The following LUC7L2 variants were observed in gnomAD, a reference collection of about 807,000 sequenced individuals.
The protein encoded by LUC7L2 is LUC7 like 2, pre-mRNA splicing factor.
LUC7L2 carries 25 observed loss-of-function variants against 52.8 expected under a neutral mutation model. That is an observed-to-expected ratio of 0.47 (90% CI 0.34 to 0.66). The LOEUF is 0.66. Among genes scored for constraint, LUC7L2 ranks in the 30% least tolerant of loss-of-function variants. The pLI is 0.01. For missense variants in LUC7L2, 328 were observed against 497.8 expected, an observed-to-expected ratio of 0.66 and a Z score of 3.25; for synonymous variants, 144 against 160.9, an observed-to-expected ratio of 0.89 and a Z score of 0.80.
intron 1 of LUC7L2, among the ~76,000 whole-genome samples, chr7:139,344,511 T>C (rs916884870): frequency 6.6e-6 from 1 of 152,100 alleles, no homozygotes; most frequent in African/African-American, 2.4e-5. Context: ...AATCCTTTTA[T>C]TTTTTTCTGA....
intron 4 of LUC7L2, among the ~76,000 whole-genome samples, chr7:139,403,935 CCAAAG>C (rs1179961659): frequency 1.3e-5 from 2 of 152,130 alleles, no homozygotes; most frequent in African/African-American, 4.8e-5. Context: ...ATCTCAGTAA[CCAAAG>C]CAAGTTCATG....
At chr7:139,401,873 G>A (rs73154168) in intron 3 of LUC7L2, among the ~76,000 whole-genome samples, 3,008 of 151,568 alleles carry the variant, frequency 0.02, 32 homozygotes, top group South Asian at 0.051. Context: ...TTCCGCCTCA[G>A]CCTCCCGAGA....
chr7:139,416,997 A>G (rs1795651458), intron 8 of LUC7L2: 1 of 152,310 alleles, frequency 6.6e-6, no homozygotes, highest in African/African-American at 2.4e-5. Flanking sequence ...TATTTCTGAT[A>G]ATAAATTTAT....
chr7:139,412,218 A>T (rs565092921), intron 7 of LUC7L2, among the ~76,000 whole-genome samples: 215 of 141,560 alleles, frequency 1.5e-3, no homozygotes, highest in African/African-American at 5.2e-3. Flanking sequence ...TGTAAAAATT[A>T]AAAAAAAAAA....
rs547921171 is a variant in LUC7L2, at chr7:139,423,369, A to G, written c.*1029A>G. On this transcript the variant is annotated 3_prime_UTR_variant, in exon 10 of 10. Coordinates refer to ENST00000354926, the MANE Select transcript of LUC7L2 (RefSeq NM_016019.5). ...TTCAGGGTTGTTTGTAATGACCGTT[A>G]TAGAGAAGGGCTCGACCTGCAGAAG... is the stretch of plus-strand genomic sequence containing the variant. The G allele has an allele frequency of 2.3e-5, 9 of 399,042 alleles. No homozygotes were observed. The South Asian group carries it at 7.6e-4, about 34-fold the overall frequency. 24.7% of individuals were successfully genotyped at this position (399,042 alleles called of 1,614,324 possible).
intron 1 of LUC7L2, chr7:139,375,752 A>AG (rs1800675130): frequency 2.7e-6 from 1 of 367,822 alleles, no homozygotes; most frequent in East Asian, 1.1e-4. Flanking sequence ...TGCAATATGA[A>AG]GGAGTTGGAC....
rs1240585872 is a variant in LUC7L2, at chr7:139,345,480, T to G, written c.-26+4963T>G. 3.4e-5 allele frequency: 55 copies of G among 1,613,890 alleles called. No individual in the cohort carries two copies. The Middle Eastern group carries it at 6.6e-4, about 19-fold the overall frequency. On this transcript the variant is annotated intron_variant, in intron 1 of 10. Transcript: ENST00000541170. Reference sequence around the variant, plus strand: ...TGTATCTCTAGCTGGGTTAAGAATTTCTGACTTGCTGCTTCTCTAGGTCAC... The same window carrying G: ...TGTATCTCTAGCTGGGTTAAGAATTGCTGACTTGCTGCTTCTCTAGGTCAC...
At chr7:139,359,350 G>A (rs1799730175), upstream of LUC7L2, 1 of 155,958 alleles carries the variant, frequency 6.4e-6, no homozygotes, top group Non-Finnish European at 1.4e-5. Context: ...TTCTCCTGAA[G>A]TTGACACTTC....
At chr7:139,375,289 G>A (rs1800651921) in intron 1 of LUC7L2, 1 of 985,144 alleles carries the variant, frequency 1.0e-6, no homozygotes, top group South Asian at 4.7e-5. Context: ...GGAGGTAGGT[G>A]TATTGTGTTA....
At chr7:139,404,667 A>T (rs950064701) in intron 4 of LUC7L2, among the ~76,000 whole-genome samples, 3 of 152,228 alleles carry the variant, frequency 2.0e-5, no homozygotes, top group African/African-American at 7.2e-5. Context: ...GATGATGGTG[A>T]TGAGGAAGAG....
upstream of LUC7L2, among the ~76,000 whole-genome samples, chr7:139,355,486 CACA>C (rs887796110): frequency 1.3e-5 from 2 of 152,080 alleles, no homozygotes; most frequent in African/African-American, 2.4e-5. Context: ...ACTCAGATTA[CACA>C]ACAATTGTTC....
intron 5 of LUC7L2, among the ~76,000 whole-genome samples, chr7:139,406,071 G>A (rs1485710551): frequency 6.6e-6 from 1 of 152,126 alleles, no homozygotes; most frequent in Non-Finnish European, 1.5e-5. Flanking sequence ...GTTTTTTTGA[G>A]ATGGAGTTTT....
chr7:139,352,888 A>C (rs1289820994), intron 1 of LUC7L2, among the ~76,000 whole-genome samples: 1 of 152,206 alleles, frequency 6.6e-6, no homozygotes, highest in Non-Finnish European at 1.5e-5. Flanking sequence ...AAAAAATTTG[A>C]ATTTTAAAAT....
Position 139,422,394 on chromosome 7 carries a change from T to C in LUC7L2, c.*54T>C. On this transcript the variant is annotated 3_prime_UTR_variant, in exon 10 of 10. Transcript: ENST00000354926. ...AGCTTCCTACGGAGTTACGTACTAT[T>C]GTTTAGTTCACAGCTGTTCAGGGTG... The C allele has an allele frequency of 6.4e-7, 1 of 1,554,094 alleles. No homozygotes were observed. The highest frequency in any genetic ancestry group is 8.7e-7 in the Non-Finnish European group (1 of 1,153,142).
intron 2 of LUC7L2, among the ~76,000 whole-genome samples, chr7:139,384,844 C>G (rs963607459): frequency 4.6e-5 from 7 of 152,078 alleles, no homozygotes; most frequent in Non-Finnish European, 1.0e-4. Flanking sequence ...CAGCCTTGAA[C>G]TCCTGGGCTC....
At chr7:139,413,720 G>GC (rs1795470725) in intron 8 of LUC7L2, among the ~76,000 whole-genome samples, 1 of 152,190 alleles carries the variant, frequency 6.6e-6, no homozygotes, top group African/African-American at 2.4e-5. Flanking sequence ...GGAGGTTACA[G>GC]TAAGCCGAGA....
intron 1 of LUC7L2, among the ~76,000 whole-genome samples, chr7:139,343,945 AAG>A (rs965577296): frequency 6.6e-6 from 1 of 151,274 alleles, no homozygotes; most frequent in Admixed American, 6.6e-5. Context: ...AAAAAAAAAA[AAG>A]AGTTGGTGGG....
At chr7:139,366,033 C>T (rs1243039648) in intron 1 of LUC7L2, among the ~76,000 whole-genome samples, 2 of 152,210 alleles carry the variant, frequency 1.3e-5, no homozygotes, top group South Asian at 4.1e-4. Flanking sequence ...ACTCTGAAAT[C>T]ATCTGCAGCT....
chr7:139,349,623 C>A (rs577206714), intron 1 of LUC7L2, among the ~76,000 whole-genome samples: 4 of 151,202 alleles, frequency 2.6e-5, no homozygotes, highest in African/African-American at 4.8e-5. Context: ...CTCCCCCCCC[C>A]CCCACCGGAT....
Sources: allele counts gnomAD v4.1 joint callset (sites outside exome capture counted in the v4.1 genomes callset), GRCh38; gene constraint gnomAD v4.1.1; transcripts MANE v1.5; gene names NCBI Gene and HGNC (gene_info 2026-07-23, HGNC 2026-07-21).